Variants in IGSF21 observed in about 807,000 individuals in gnomAD.
The protein encoded by IGSF21 is immunoglobulin superfamily member 21.
IGSF21 carries 28 observed loss-of-function variants against 46.8 expected under a neutral mutation model. The ratio of observed to expected loss-of-function variants is 0.60; its 90% CI spans 0.44 to 0.82. The LOEUF (loss-of-function observed/expected upper bound fraction) is 0.82. IGSF21 is among the 40% of genes least tolerant of loss of function. IGSF21 has a pLI of 0.00. For missense variants in IGSF21, 624 were observed against 665.5 expected (o/e 0.94, Z 0.69); for synonymous variants, 284 against 273.6 (o/e 1.04, Z -0.38).
At chr1:18,146,849 T>G (rs9329469) in intron 1 of IGSF21, among the ~76,000 whole-genome samples, 1 of 152,068 alleles carries the variant, frequency 6.6e-6, no homozygotes, top group Non-Finnish European at 1.5e-5. Context: ...ATGAGGAAAG[T>G]AAGACTCAGA....
chr1:18,158,819 G>A (rs2086590206), intron 1 of IGSF21, among the ~76,000 whole-genome samples: 1 of 152,218 alleles, frequency 6.6e-6, no homozygotes, highest in Non-Finnish European at 1.5e-5. Context: ...GGGAGGTTAT[G>A]TAGTTAGAAG....
At chr1:18,336,120 C>T (rs186275938) in intron 4 of IGSF21, among the ~76,000 whole-genome samples, 62 of 152,322 alleles carry the variant, frequency 4.1e-4, no homozygotes, top group African/African-American at 1.5e-3. Flanking sequence ...ATGTACTGAG[C>T]ACCTACCTAT....
intron 1 of IGSF21, among the ~76,000 whole-genome samples, chr1:18,148,723 G>A (rs559955593): frequency 2.0e-5 from 3 of 152,282 alleles, no homozygotes; most frequent in African/African-American, 7.2e-5. Context: ...TGTGTGCCAC[G>A]GTGAGTAAGC....
intron 1 of IGSF21, among the ~76,000 whole-genome samples, chr1:18,182,382 T>C (rs2086865692): frequency 6.6e-6 from 1 of 152,104 alleles, no homozygotes; most frequent in Non-Finnish European, 1.5e-5. Flanking sequence ...TTTTGCCATG[T>C]TGGTCAGACT....
chr1:18,275,043 C>CAAA (rs1553159784), intron 2 of IGSF21, among the ~76,000 whole-genome samples: 3 of 151,892 alleles, frequency 2.0e-5, no homozygotes, highest in African/African-American at 4.8e-5. Context: ...AACAAACAAA[C>CAAA]AAAAAAGAAG....
rs181020043 is a variant in IGSF21 at position 18,123,158 on chromosome 1, G to A, written c.70+14960G>A. Among the ~76,000 whole-genome samples the A allele has an allele frequency of 1.0e-3, 158 of 152,230 alleles. 1 individual carries two copies. Among genetic ancestry groups the A allele is most frequent in the Non-Finnish European group, 1.3e-3 (87 of 68,016 alleles). ...GTCCGTAAAATGAAAGGGTGAGTCC[G>A]GATGATCCCATTCTAAGATTATTCG... On this transcript the variant is annotated intron_variant, in intron 1 of 9. Transcript: ENST00000251296.
At chr1:18,230,334 A>C (rs1485307787) in intron 2 of IGSF21, among the ~76,000 whole-genome samples, 2 of 152,098 alleles carry the variant, frequency 1.3e-5, no homozygotes, top group Non-Finnish European at 2.9e-5. Context: ...CCTTGATGCC[A>C]CTGGTAGTTT....
chr1:18,315,506 T>C (rs1419072952), intron 3 of IGSF21, among the ~76,000 whole-genome samples: 1 of 152,102 alleles, frequency 6.6e-6, no homozygotes, highest in African/African-American at 2.4e-5. Flanking sequence ...GAGTGGCACA[T>C]GCTAGACACT....
chr1:18,137,966 G>C (rs947094423), intron 1 of IGSF21, among the ~76,000 whole-genome samples: 1 of 152,182 alleles, frequency 6.6e-6, no homozygotes, highest in African/African-American at 2.4e-5. Flanking sequence ...GGGAGTAGCA[G>C]AGCTGGGATT....
At position 18,377,408 on chromosome 1, in the gene IGSF21, C is replaced by T. The variant is rs767393509; in HGVS notation, c.1310C>T (p.Pro437Leu). 6.2e-6 allele frequency: 10 copies of T among 1,613,704 alleles called. No individual in the cohort carries two copies. Among genetic ancestry groups the T allele is most frequent in the East Asian group, 2.2e-5 (1 of 44,864 alleles). The change falls in exon 9 of 10, where the codon CCA (proline) becomes CTA (leucine). Residue 437 changes from proline to leucine, a missense_variant. By Grantham distance (98) the Pro-to-Leu change is moderately conservative (BLOSUM62 -3). Transcript: ENST00000251296. ...TTTCCAACAGAAAACCCAAATATCC[C>T]AAGAGGAACGGAGGACTCTAATGGT... ...RLIVFENPNIPRGTEDSNGSI... is the reference protein window; with the variant it reads ...RLIVFENPNILRGTEDSNGSI...
chr1:18,154,488 A>T (rs973245118), intron 1 of IGSF21, among the ~76,000 whole-genome samples: 1 of 151,812 alleles, frequency 6.6e-6, no homozygotes, highest in African/African-American at 2.4e-5. Flanking sequence ...CACCCCTGTC[A>T]CCCCTGACCC....
chr1:18,152,118 T>G (rs1391132353), intron 1 of IGSF21, among the ~76,000 whole-genome samples: 3 of 152,214 alleles, frequency 2.0e-5, no homozygotes, highest in African/African-American at 7.2e-5. Context: ...ACATTAGAGG[T>G]GCCCATTATA....
intron 1 of IGSF21, among the ~76,000 whole-genome samples, chr1:18,207,441 T>C (rs956864691): frequency 6.6e-6 from 1 of 152,164 alleles, no homozygotes; most frequent in African/African-American, 2.4e-5. Flanking sequence ...GCCCACCTCA[T>C]GTGAGGCATG....
intron 1 of IGSF21, among the ~76,000 whole-genome samples, chr1:18,131,956 A>G (rs1367173203): frequency 6.6e-6 from 1 of 152,198 alleles, no homozygotes; most frequent in Non-Finnish European, 1.5e-5. Context: ...ACAACTCTGT[A>G]TAATGCTGAG....
chr1:18,291,676 C>T (rs1017413535), intron 2 of IGSF21, among the ~76,000 whole-genome samples, 190 bp from the exon 3 acceptor site: 1 of 152,226 alleles, frequency 6.6e-6, no homozygotes, highest in African/African-American at 2.4e-5. Context: ...CAGGCTGGCT[C>T]CTACTCTTCC....
intron 3 of IGSF21, among the ~76,000 whole-genome samples, chr1:18,296,304 G>A (rs1021601380): frequency 1.3e-5 from 2 of 152,076 alleles, no homozygotes; most frequent in East Asian, 1.9e-4. Flanking sequence ...AGCAAAAGAC[G>A]AATTCACAAG....
At position 18,290,272 on chromosome 1, in the gene IGSF21, C is replaced by T. The variant is rs117590113; in HGVS notation, c.184-1594C>T. ...CAGCCAGGTGGGAGGAAGTGGTCCT[C>T]TGTCTCCCCTCTGCACATGGTCAGA... is the stretch of plus-strand genomic sequence containing the variant. On this transcript the variant is annotated intron_variant, in intron 2 of 9. Coordinates refer to ENST00000251296, the MANE Select transcript of IGSF21 (RefSeq NM_032880.5). The surrounding 1 kb of genome is among the most constrained non-coding windows in gnomAD (Gnocchi z 4.2). 1.4e-3 allele frequency among the ~76,000 whole-genome samples: 213 copies of T among 152,278 alleles called. 8 individuals are homozygous for T. In the East Asian group the frequency reaches 0.034, roughly 24 times the overall value.
chr1:18,219,719 TTG>T (rs964101008), intron 1 of IGSF21, among the ~76,000 whole-genome samples: 11 of 152,174 alleles, frequency 7.2e-5, no homozygotes, highest in Non-Finnish European at 1.3e-4. Flanking sequence ...GCCTGTTTCC[TTG>T]TGGTGCCTGG....
chr1:18,131,013 G>A (rs1042531800), intron 1 of IGSF21, among the ~76,000 whole-genome samples: 3 of 152,218 alleles, frequency 2.0e-5, no homozygotes, highest in African/African-American at 7.2e-5. Context: ...CCGCCTAGGC[G>A]GCTGAGGACA....
Sources: allele counts gnomAD v4.1 joint callset (sites outside exome capture counted in the v4.1 genomes callset), GRCh38; gene constraint gnomAD v4.1.1; non-coding constraint Gnocchi (gnomAD v3.1); transcripts MANE v1.5; gene names NCBI Gene and HGNC (gene_info 2026-07-23, HGNC 2026-07-21).